The following ASAP1 variants were observed in gnomAD, a reference collection of about 807,000 sequenced individuals.
ASAP1 encodes the protein arf-GAP with SH3 domain, ANK repeat and PH domain-containing protein 1.
ASAP1 carries 43 observed loss-of-function variants against 145.2 expected under a neutral mutation model. That is an observed-to-expected ratio of 0.30 (90% CI 0.23 to 0.38). ASAP1 has a LOEUF of 0.38. ASAP1 is among the 10% of genes least tolerant of loss of function. The pLI, the probability that ASAP1 is intolerant of heterozygous loss-of-function variation, is 1.00. For synonymous variants in ASAP1, 546 were observed against 515.5 expected (o/e 1.06, Z -0.80); for missense variants, 1,018 against 1,355.3 (o/e 0.75, Z 3.91).
intron 3 of ASAP1, among the ~76,000 whole-genome samples, chr8:130,306,184 T>A (rs1822980979): frequency 1.3e-5 from 2 of 152,190 alleles, no homozygotes; most frequent in South Asian, 4.1e-4. Context: ...TTAGAGAGAT[T>A]CAGGGAAAAT....
At chr8:130,091,147 C>T (rs556086785) in intron 25 of ASAP1, among the ~76,000 whole-genome samples, 1 of 152,318 alleles carries the variant, frequency 6.6e-6, no homozygotes, top group African/African-American at 2.4e-5. Context: ...TATTCATTCT[C>T]AAGTGATTCC....
At chr8:130,212,927 C>A (rs765447985) in intron 5 of ASAP1, among the ~76,000 whole-genome samples, 4 of 152,196 alleles carry the variant, frequency 2.6e-5, no homozygotes, top group South Asian at 4.1e-4. Context: ...GACATCAATG[C>A]GAAAACACCC....
intron 4 of ASAP1, among the ~76,000 whole-genome samples, chr8:130,219,763 G>A (rs540443331): frequency 6.6e-5 from 10 of 152,184 alleles, no homozygotes; most frequent in Non-Finnish European, 1.0e-4. Flanking sequence ...TGGCATCCAC[G>A]ACATTGTTGC....
At chr8:130,062,678 A>T (rs2135083439) in intron 27 of ASAP1, among the ~76,000 whole-genome samples, 1 of 152,366 alleles carries the variant, frequency 6.6e-6, no homozygotes, top group South Asian at 2.1e-4. Flanking sequence ...CTTCACCTGC[A>T]GCTCCAATTC....
chr8:130,160,048 A>T, intron 11 of ASAP1, 84 bp from the exon 12 acceptor site: 1 of 1,192,344 alleles, frequency 8.4e-7, no homozygotes, highest in Middle Eastern at 1.9e-4. Context: ...AGCCTTTGGC[A>T]CTGGTCTGGG....
intron 5 of ASAP1, among the ~76,000 whole-genome samples, chr8:130,195,716 G>A (rs1396695103): frequency 5.3e-5 from 8 of 152,070 alleles, no homozygotes; most frequent in Non-Finnish European, 1.2e-4. Flanking sequence ...ATGCAAAAGG[G>A]GCTTAAGGAA....
intron 25 of ASAP1, among the ~76,000 whole-genome samples, chr8:130,080,635 T>C (rs776580009): frequency 3.3e-5 from 5 of 151,942 alleles, no homozygotes; most frequent in Non-Finnish European, 5.9e-5. Context: ...CATTCAAATA[T>C]TAACTTTTTT....
intron 5 of ASAP1, among the ~76,000 whole-genome samples, chr8:130,198,956 A>G (rs1815689352): frequency 6.6e-6 from 1 of 152,126 alleles, no homozygotes; most frequent in African/African-American, 2.4e-5. Flanking sequence ...TCACTGCACT[A>G]CAACTCCTTT....
intron 5 of ASAP1, among the ~76,000 whole-genome samples, chr8:130,208,068 GT>G (rs778472117): frequency 4.9e-4 from 74 of 152,142 alleles, no homozygotes; most frequent in Non-Finnish European, 9.7e-4. Context: ...AATTTGATAG[GT>G]TATACTTTTA....
chr8:130,286,743 AT>A (rs1470273632), intron 3 of ASAP1, among the ~76,000 whole-genome samples: 1 of 152,228 alleles, frequency 6.6e-6, no homozygotes, highest in Non-Finnish European at 1.5e-5. Flanking sequence ...AGCATCCGAC[AT>A]GTTTACTGAG....
intron 3 of ASAP1, among the ~76,000 whole-genome samples, chr8:130,355,343 T>C (rs2138101707): frequency 6.6e-6 from 1 of 152,320 alleles, no homozygotes; most frequent in South Asian, 2.1e-4. Flanking sequence ...TAACAGTTTT[T>C]CAGTTGCGCT....
At chr8:130,163,662 C>T (rs1399231876) in intron 11 of ASAP1, among the ~76,000 whole-genome samples, 1 of 152,090 alleles carries the variant, frequency 6.6e-6, no homozygotes, top group African/African-American at 2.4e-5. Flanking sequence ...GATTTTCTTT[C>T]CTGAGAAAGT....
chr8:130,405,644 C>T (rs903963380), intron 1 of ASAP1, among the ~76,000 whole-genome samples: 1 of 152,170 alleles, frequency 6.6e-6, no homozygotes, highest in African/African-American at 2.4e-5. Context: ...GTCACTAGAC[C>T]ATCGTGAACC....
chr8:130,237,074 G>T, intron 3 of ASAP1, 80 bp from the exon 4 acceptor site: 1 of 1,129,654 alleles, frequency 8.9e-7, no homozygotes. Flanking sequence ...ATTTGTAATT[G>T]CATTTGTTTT....
intron 10 of ASAP1, among the ~76,000 whole-genome samples, chr8:130,168,305 G>A (rs1026449886): frequency 3.9e-5 from 6 of 152,058 alleles, no homozygotes; most frequent in Non-Finnish European, 5.9e-5. Context: ...ACTAAAAAAA[G>A]AGAGATAATA....
chr8:130,400,686 G>A (rs538111448), intron 2 of ASAP1, among the ~76,000 whole-genome samples: 1 of 151,812 alleles, frequency 6.6e-6, no homozygotes, highest in South Asian at 2.1e-4. Context: ...AGCTACTTGG[G>A]AGGCTGAGGC....
intron 6 of ASAP1, 58 bp downstream of exon 6, chr8:130,188,050 AG>A: frequency 2.5e-6 from 3 of 1,190,318 alleles, no homozygotes; most frequent in East Asian, 4.8e-5. Flanking sequence ...ATCTTGAAAG[AG>A]GAAAAAAAAA....
At chr8:130,411,954 A>T (rs993244459) in intron 1 of ASAP1, among the ~76,000 whole-genome samples, 1 of 152,142 alleles carries the variant, frequency 6.6e-6, no homozygotes, top group African/African-American at 2.4e-5. Context: ...CCAGGATGGA[A>T]AGGGGTCTGC....
In ASAP1 at chr8:130,054,782, A is replaced by G; in HGVS notation, c.3339T>C (p.Pro1113=). ...EWWIGHIEGQ[P]ERKGVFPVSF... Reference sequence around the variant, plus strand: ...ACACTGGAAAGACCCCCTTCCTTTCAGGCTGTCCTTCGATGTGGCCAATCT... The same window carrying G: ...ACACTGGAAAGACCCCCTTCCTTTCGGGCTGTCCTTCGATGTGGCCAATCT... The change falls in exon 30 of 30, where the codon CCT becomes CCC. Residue 1113 remains proline (P), a synonymous_variant. Coordinates refer to ENST00000518721, the MANE Select transcript of ASAP1 (RefSeq NM_018482.4). The G allele has an allele frequency of 6.2e-7, 1 of 1,613,644 alleles. No homozygotes were observed. Among genetic ancestry groups the G allele is most frequent in the Non-Finnish European group, 8.5e-7 (1 of 1,179,630 alleles).
Sources: gnomAD v4.1 joint callset for allele counts (sites outside exome capture counted in the v4.1 genomes callset) on GRCh38, gnomAD v4.1.1 for gene constraint, MANE v1.5 for transcripts, NCBI Gene and HGNC (gene_info 2026-07-23, HGNC 2026-07-21) for gene names.